The following CDC37 variants were observed in gnomAD, a reference collection of about 807,000 sequenced individuals.
CDC37 encodes hsp90 co-chaperone Cdc37.
CDC37 carries 9 observed loss-of-function variants against 46.9 expected under a neutral mutation model. The observed-to-expected ratio is 0.19, with a 90% CI of 0.12 to 0.33. The LOEUF (loss-of-function observed/expected upper bound fraction) is 0.33, where lower values mean the gene tolerates loss of function less well. Among genes scored for constraint, CDC37 ranks in the 10% least tolerant of loss-of-function variants. The probability of loss-of-function intolerance (pLI) is 1.00; values close to 1 mark genes in which losing one functional copy is unlikely to be tolerated. For synonymous variants in CDC37, 193 were observed against 191.0 expected, an observed-to-expected ratio of 1.01 and a Z score of -0.09; for missense variants, 388 against 514.6, an observed-to-expected ratio of 0.75 and a Z score of 2.38.
At chr19:10,402,288 G>T (rs1028471395) in intron 1 of CDC37, among the ~76,000 whole-genome samples, 2 of 152,080 alleles carry the variant, frequency 1.3e-5, no homozygotes, top group Non-Finnish European at 2.9e-5. Context: ...GCACTGAGAG[G>T]GTGGTGGGAC....
At chr19:10,392,615 C>A (rs990724765) in intron 7 of CDC37, among the ~76,000 whole-genome samples, 1 of 151,926 alleles carries the variant, frequency 6.6e-6, no homozygotes, top group Non-Finnish European at 1.5e-5. Flanking sequence ...AGCCTGTAAC[C>A]CCAGCTACTT....
chr19:10,393,032 G>T lies in CDC37; in HGVS notation c.981+54C>A, dbSNP rs1347501568. On this transcript the variant is annotated intron_variant, in intron 7 of 7. Coordinates refer to ENST00000222005, the MANE Select transcript of CDC37 (RefSeq NM_007065.4). This position sits in a 1 kb window ranked among gnomAD's most constrained non-coding sequence, Gnocchi z 4.9. ...CGGCTTCAGAGACTTGGGACACAGG[G>T]CTGGGGGAGACACACGGCCCGCCGG... 3.3e-6 allele frequency: 5 copies of T among 1,494,548 alleles called. No homozygotes were observed. Among genetic ancestry groups the T allele is most frequent in the Non-Finnish European group, 4.7e-6 (5 of 1,071,360 alleles). 92.6% of individuals were successfully genotyped at this position (1,494,548 alleles called of 1,614,324 possible).
rs2042471297 is a variant in CDC37 at position 10,393,607 on chromosome 19, C to A, written c.727-166G>T. ...AAGGCCTGGGCTCCCCCGCCGGGGA[C>A]CTCATCTGGCATTTGCCAAAGACCA... On this transcript the variant is annotated intron_variant, in intron 5 of 7. Coordinates refer to ENST00000222005, the MANE Select transcript of CDC37 (RefSeq NM_007065.4). This position sits in a 1 kb window ranked among gnomAD's most constrained non-coding sequence, Gnocchi z 4.9. 3.0e-6 allele frequency: 2 copies of A among 664,078 alleles called. No homozygotes were observed. Among genetic ancestry groups the A allele is most frequent in the Non-Finnish European group, 4.9e-6 (2 of 408,574 alleles). 41.1% of individuals were successfully genotyped at this position (664,078 alleles called of 1,614,324 possible). A position where few individuals can be genotyped will look rare whatever the true frequency, so the allele number is the denominator to read the frequency against.
At position 10,393,467 on chromosome 19, in the gene CDC37, G is replaced by A; in HGVS notation, c.727-26C>T. 3 of 1,595,664 alleles carry A rather than the reference G, an allele frequency of 1.9e-6. No individual in the cohort carries two copies. Among genetic ancestry groups the A allele is most frequent in the Non-Finnish European group, 2.6e-6 (3 of 1,171,480 alleles). On this transcript the variant is annotated intron_variant, in intron 5 of 7. Transcript: ENST00000222005. The surrounding 1 kb of genome is among the most constrained non-coding windows in gnomAD (Gnocchi z 4.9). Reference sequence around the variant, plus strand: ...CTATGGGGGTTGGGCAGTGCTCACTGGACCTGGCCCAACGCTCAGGAGGGA... The same window carrying A: ...CTATGGGGGTTGGGCAGTGCTCACTAGACCTGGCCCAACGCTCAGGAGGGA...
At position 10,393,500 on chromosome 19, in the gene CDC37, G is replaced by C. The variant is rs946325327; in HGVS notation, c.727-59C>G. 1.3e-6 allele frequency: 2 copies of C among 1,509,498 alleles called. No individual in the cohort carries two copies. Among genetic ancestry groups the C allele is most frequent in the Non-Finnish European group, 1.8e-6 (2 of 1,123,834 alleles). The allele number at this position is 1,509,498 out of a possible 1,614,324, so 93.5% of individuals were successfully genotyped here. Reference sequence around the variant, plus strand: ...CCCAACGCTCAGGAGGGACTGGGGGGCCCAGGACCCTCCAGCCACAGCTCC... The same window carrying C: ...CCCAACGCTCAGGAGGGACTGGGGGCCCCAGGACCCTCCAGCCACAGCTCC... On this transcript the variant is annotated intron_variant, in intron 5 of 7. Coordinates refer to ENST00000222005, the MANE Select transcript of CDC37 (RefSeq NM_007065.4). This position sits in a 1 kb window ranked among gnomAD's most constrained non-coding sequence, Gnocchi z 4.9.
rs2042519251 is a variant in CDC37, at chr19:10,401,643, C to G, written c.102+1735G>C. Among the ~76,000 whole-genome samples, 3 of 152,296 alleles carry G rather than the reference C, an allele frequency of 2.0e-5. 1 individual carries two copies. In the South Asian group the frequency reaches 6.2e-4, roughly 32 times the overall value. The stretch of plus-strand genomic sequence containing the variant: ...TCCCACACTCCAGTGGCTTGCTTGG[C>G]AGGTACACTACCCAGGAGACTCAGG... On this transcript the variant is annotated intron_variant, in intron 1 of 7. Transcript: ENST00000222005.
chr19:10,392,067 A>T (rs964735371), intron 7 of CDC37, among the ~76,000 whole-genome samples: 2 of 152,314 alleles, frequency 1.3e-5, no homozygotes, highest in Non-Finnish European at 2.9e-5. Context: ...CTCCCAAAGC[A>T]CTGAGATTAC....
At chr19:10,401,372 T>C (rs2042517792) in intron 1 of CDC37, among the ~76,000 whole-genome samples, 1 of 151,816 alleles carries the variant, frequency 6.6e-6, no homozygotes, top group Non-Finnish European at 1.5e-5. Flanking sequence ...ACCACCGGGG[T>C]TCTCAGCGGC....
At chr19:10,403,266 T>TG (rs567875739) in intron 1 of CDC37, 112 bp downstream of exon 1, 90 of 765,712 alleles carry the variant, frequency 1.2e-4, no homozygotes, top group Admixed American at 4.1e-4. Context: ...AAATCCAGAC[T>TG]GGGGGGGTGA....
intron 1 of CDC37, among the ~76,000 whole-genome samples, chr19:10,401,368 G>A (rs1264597892): frequency 6.6e-6 from 1 of 152,132 alleles, no homozygotes; most frequent in Admixed American, 6.5e-5. Flanking sequence ...TACAACCACC[G>A]GGGTTCTCAG....
At chr19:10,402,141 G>GAAGGAAAC (rs1216530524) in intron 1 of CDC37, among the ~76,000 whole-genome samples, 3 of 87,810 alleles carry the variant, frequency 3.4e-5, no homozygotes, top group African/African-American at 4.6e-5. Flanking sequence ...TGGGCGACAA[G>GAAGGAAAC]AAGGAAACTT....
At position 10,398,703 on chromosome 19, in the gene CDC37, C is replaced by T. The variant is rs1003026445; in HGVS notation, c.103-2500G>A. Among the ~76,000 whole-genome samples, 1 of 152,240 alleles carries T rather than the reference C, an allele frequency of 6.6e-6. No homozygotes were observed. The highest frequency in any genetic ancestry group is 1.5e-5 in the Non-Finnish European group (1 of 68,044). On this transcript the variant is annotated intron_variant, in intron 1 of 7. Coordinates refer to ENST00000222005, the MANE Select transcript of CDC37 (RefSeq NM_007065.4). This position sits in a 1 kb window ranked among gnomAD's most constrained non-coding sequence, Gnocchi z 4.2. ...CTGTGCAAGAGAACAATCTCTCTCT[C>T]TCTCTGGGGACCACTCTGGGGCCTC... is the stretch of plus-strand genomic sequence containing the variant.
chr19:10,396,324 G>C lies in CDC37; in HGVS notation c.103-121C>G, dbSNP rs892783998. ...AGTACGCGTCCACCTCCCGTGCCCT[G>C]GTCTCCCAGCTTCCGCCCCTGCGCC... is the stretch of plus-strand genomic sequence containing the variant. On this transcript the variant is annotated intron_variant, in intron 1 of 7. Transcript: ENST00000222005. The surrounding 1 kb of genome is among the most constrained non-coding windows in gnomAD (Gnocchi z 5.9). The C allele has an allele frequency of 1.7e-6, 2 of 1,174,402 alleles. No individual in the cohort carries two copies. Among genetic ancestry groups the C allele is most frequent in the African/African-American group, 3.1e-5 (2 of 64,876 alleles). 72.7% of individuals were successfully genotyped at this position (1,174,402 alleles called of 1,614,324 possible).
At chr19:10,399,862 G>A (rs2042509397) in intron 1 of CDC37, among the ~76,000 whole-genome samples, 2 of 149,746 alleles carry the variant, frequency 1.3e-5, no homozygotes, top group Non-Finnish European at 3.0e-5. Flanking sequence ...AACCTGGGAG[G>A]TGGAGGTTAC....
intron 1 of CDC37, among the ~76,000 whole-genome samples, chr19:10,401,036 G>A (rs983769918): frequency 1.3e-5 from 2 of 152,340 alleles, no homozygotes; most frequent in Admixed American, 6.5e-5. Flanking sequence ...GCACGTGAGT[G>A]ATACAGACAG....
intron 1 of CDC37, among the ~76,000 whole-genome samples, chr19:10,401,974 G>A (rs1428955646): frequency 6.6e-6 from 1 of 151,920 alleles, no homozygotes; most frequent in South Asian, 2.1e-4. Flanking sequence ...GACCAACATG[G>A]AGAAACCCTG....
At chr19:10,392,999 T>C (rs2042465980) in intron 7 of CDC37, 87 bp downstream of exon 7, 6 of 1,286,370 alleles carry the variant, frequency 4.7e-6, no homozygotes, top group Non-Finnish European at 5.6e-6. Context: ...AGGGGCACTT[T>C]CACCAGCCGG....
Position 10,395,056 on chromosome 19 carries a change from G to T in CDC37, c.691C>A (p.Arg231=). The T allele has an allele frequency of 2.0e-6, 3 of 1,535,800 alleles. No individual in the cohort carries two copies. Among genetic ancestry groups the T allele is most frequent in the Non-Finnish European group, 2.6e-6 (3 of 1,139,608 alleles). Residue 231 remains arginine, a synonymous_variant, in exon 5 of 8, where the codon CGG becomes AGG. Coordinates refer to ENST00000222005, the MANE Select transcript of CDC37 (RefSeq NM_007065.4). Reference sequence around the variant, plus strand: ...GTGAAGAACTGCCGGAAGCAGGCCCGGGGGTCCACCTTTAGGCTCTTGGCC... The same window carrying T: ...GTGAAGAACTGCCGGAAGCAGGCCCTGGGGTCCACCTTTAGGCTCTTGGCC... ...ELAKSLKVDP[R]ACFRQFFTKI...
In CDC37 at chr19:10,396,146, A is replaced by C; in HGVS notation, c.160T>G (p.Cys54Gly). Residue 54 changes from cysteine to glycine, a missense_variant, in exon 2 of 8, where the codon TGC becomes GGC. Physicochemically the swap from Cys to Gly is radical, Grantham distance 159. Around this residue, in one of 2 missense-constraint regions of CDC37, gnomAD observed 374 missense variants for 467.4 expected, o/e 0.80. Coordinates refer to ENST00000222005, the MANE Select transcript of CDC37 (RefSeq NM_007065.4). The surrounding 1 kb of genome is among the most constrained non-coding windows in gnomAD (Gnocchi z 5.9). ...GCCACCTTGCGCTTGCACTCGCGGC[A>C]GCCCCTGTCCAGTTCCTCCTTCTCC... ...QKEKEELDRGCRECKRKVAEC... is the reference protein window; with the variant it reads ...QKEKEELDRGGRECKRKVAEC... 1 of 1,614,038 alleles carries C rather than the reference A, an allele frequency of 6.2e-7. No individual in the cohort carries two copies. Among genetic ancestry groups the C allele is most frequent in the Non-Finnish European group, 8.5e-7 (1 of 1,179,986 alleles).
Sources: allele counts gnomAD v4.1 joint callset (sites outside exome capture counted in the v4.1 genomes callset), GRCh38; gene constraint gnomAD v4.1.1; regional missense constraint gnomAD v4.1.1; non-coding constraint Gnocchi (gnomAD v3.1); transcripts MANE v1.5; gene names NCBI Gene and HGNC (gene_info 2026-07-23, HGNC 2026-07-21).